Variants in RNF2 observed in about 807,000 individuals in gnomAD.
RNF2 encodes the protein E3 ubiquitin-protein ligase RING2.
A neutral mutation model predicts 37.2 loss-of-function variants in RNF2; 6 were observed. The ratio of observed to expected loss-of-function variants is 0.16; its 90% confidence interval spans 0.09 to 0.32. The LOEUF is 0.32. Ranked by LOEUF, RNF2 falls within the 10% of genes least tolerant of loss-of-function variation. RNF2 has a pLI of 1.00. For synonymous variants in RNF2, 133 were observed against 132.7 expected, an observed-to-expected ratio of 1.00 and a Z score of -0.02; for missense variants, 251 against 404.0, an observed-to-expected ratio of 0.62 and a Z score of 3.25.
intron 3 of RNF2, among the ~76,000 whole-genome samples, chr1:185,092,519 T>A (rs1185399389): frequency 6.6e-6 from 1 of 152,180 alleles, no homozygotes; most frequent in African/African-American, 2.4e-5. Flanking sequence ...ACTAGAAATC[T>A]TTCTAAAGCC....
At chr1:185,071,321 G>C (rs1650966348) in intron 1 of RNF2, among the ~76,000 whole-genome samples, 2 of 152,130 alleles carry the variant, frequency 1.3e-5, no homozygotes. Context: ...TTCCGGGCTA[G>C]TTTATAGGGA....
rs766333497 is a variant in RNF2, at chr1:185,100,243, A to G, written c.953A>G (p.Tyr318Cys). ...TCTTTGGAATTGGTCAGTGAGAAATACTGGAAAGTGAACAAACCCATGGAA... is the reference window on the plus strand; with the variant it reads ...TCTTTGGAATTGGTCAGTGAGAAATGCTGGAAAGTGAACAAACCCATGGAA... ...SFSLELVSEKYWKVNKPMELY... is the reference protein window; with the variant it reads ...SFSLELVSEKCWKVNKPMELY... The change falls in exon 7 of 7, where the codon TAC becomes TGC. Residue 318 changes from tyrosine (Y) to cysteine (C), a missense_variant. Transcript: ENST00000367510. 1.2e-6 allele frequency: 2 copies of G among 1,612,102 alleles called. No individual in the cohort carries two copies. The highest frequency in any genetic ancestry group is 2.2e-5 in the East Asian group (1 of 44,780).
At chr1:185,099,500 T>C (rs1351192535) in intron 5 of RNF2, among the ~76,000 whole-genome samples, 2 of 152,198 alleles carry the variant, frequency 1.3e-5, no homozygotes, top group Non-Finnish European at 2.9e-5. Flanking sequence ...CTTAGTACTT[T>C]GTGTATTTCT....
rs149672118 is a variant in RNF2 at position 185,048,081 on chromosome 1, A to G, written c.-3+2432A>G. On this transcript the variant is annotated intron_variant, in intron 1 of 6. Coordinates refer to ENST00000367510, the MANE Select transcript of RNF2 (RefSeq NM_007212.4). Reference sequence around the variant, plus strand: ...TCTACCCTTTCTACCTAATGTGTCTACTGGGTCTTCTGGTATTTCTTGGGG... The same window carrying G: ...TCTACCCTTTCTACCTAATGTGTCTGCTGGGTCTTCTGGTATTTCTTGGGG... Among the ~76,000 whole-genome samples the G allele has an allele frequency of 9.0e-3, 1,365 of 151,944 alleles. 19 individuals carry two copies. The highest frequency in any genetic ancestry group is 0.01 in the Non-Finnish European group (706 of 67,916).
intron 1 of RNF2, among the ~76,000 whole-genome samples, chr1:185,079,923 T>C (rs1413567331): frequency 6.6e-6 from 1 of 151,686 alleles, no homozygotes; most frequent in Non-Finnish European, 1.5e-5. Context: ...AGAGCGAGAC[T>C]GTCTCAGAAA....
chr1:185,092,414 A>T (rs2102201081), intron 3 of RNF2, among the ~76,000 whole-genome samples: 1 of 152,186 alleles, frequency 6.6e-6, no homozygotes, highest in Non-Finnish European at 1.5e-5. Flanking sequence ...TGACCTCGTG[A>T]TCCACCCGCC....
chr1:185,052,332 A>C (rs374376539), intron 1 of RNF2, among the ~76,000 whole-genome samples: 1 of 152,264 alleles, frequency 6.6e-6, no homozygotes, highest in East Asian at 1.9e-4. Flanking sequence ...GTCTGTCAAC[A>C]GATGAATGGA....
rs1315820374 is a variant in RNF2 at position 185,093,135 on chromosome 1, C to T, written c.323C>T (p.Ala108Val). ...RSLRPDPNFD[A>V]LISKIYPSRD... ...CTAAGGCCAGACCCAAACTTTGATG[C>T]ACTCATCAGCAAAATTTATCCAAGT... The change falls in exon 4 of 7, where the codon GCA (alanine) becomes GTA (valine). Residue 108 changes from alanine to valine, a missense_variant. Ala to Val is a moderately conservative substitution (Grantham distance 64, BLOSUM62 0). This residue lies in a region of RNF2 where 33 missense variants were observed against 46.8 expected (regional missense o/e 0.71). Coordinates refer to ENST00000367510, the MANE Select transcript of RNF2 (RefSeq NM_007212.4). 6.2e-7 allele frequency: 1 copy of T among 1,613,982 alleles called. No individual in the cohort carries two copies.
At position 185,094,278 on chromosome 1, in the gene RNF2, G is replaced by T. The variant is rs540751946; in HGVS notation, c.464+1002G>T. The stretch of plus-strand genomic sequence containing the variant: ...CTGCTTTAGCGTCTTGAGTAGCTGG[G>T]AGTACAGGTGCACGCCACCATGCCC... On this transcript the variant is annotated intron_variant, in intron 4 of 6. Transcript: ENST00000367510. Among the ~76,000 whole-genome samples, 3 of 152,152 alleles carry T rather than the reference G, an allele frequency of 2.0e-5. No homozygotes were observed. In the South Asian group the frequency reaches 6.2e-4, roughly 32 times the overall value.
chr1:185,082,985 A>G (rs1488282642), intron 1 of RNF2, among the ~76,000 whole-genome samples: 1 of 152,204 alleles, frequency 6.6e-6, no homozygotes, highest in African/African-American at 2.4e-5. Flanking sequence ...AATTTGCACT[A>G]ACCTAATATC....
chr1:185,079,717 G>A (rs925806224), intron 1 of RNF2, among the ~76,000 whole-genome samples: 2 of 152,168 alleles, frequency 1.3e-5, no homozygotes, highest in African/African-American at 2.4e-5. Flanking sequence ...ATCATCTGAG[G>A]TCAGGAGTTT....
intron 1 of RNF2, among the ~76,000 whole-genome samples, chr1:185,062,065 G>T (rs544655696): frequency 1.3e-5 from 2 of 152,304 alleles, no homozygotes; most frequent in South Asian, 4.1e-4. Flanking sequence ...CCTTGTAGCA[G>T]CAAATATTTT....
chr1:185,071,414 T>C (rs1237110947), intron 1 of RNF2, among the ~76,000 whole-genome samples: 5 of 152,208 alleles, frequency 3.3e-5, no homozygotes, highest in Non-Finnish European at 7.3e-5. Context: ...ATGTGGCTTA[T>C]GGATGAGGCT....
At chr1:185,049,316 A>G (rs1017893316) in intron 1 of RNF2, among the ~76,000 whole-genome samples, 6 of 152,204 alleles carry the variant, frequency 3.9e-5, no homozygotes, top group African/African-American at 1.2e-4. Context: ...CATTATTTCT[A>G]GGATATGTGC....
At chr1:185,086,845 C>G (rs1651612979) in intron 1 of RNF2, among the ~76,000 whole-genome samples, 2 of 152,154 alleles carry the variant, frequency 1.3e-5, no homozygotes, top group Non-Finnish European at 2.9e-5. Flanking sequence ...GCTGAAGAAT[C>G]TGAAGTTTTC....
intron 1 of RNF2, among the ~76,000 whole-genome samples, chr1:185,086,122 A>G (rs1557971698): frequency 1.3e-5 from 2 of 151,828 alleles, no homozygotes; most frequent in Non-Finnish European, 2.9e-5. Context: ...TTTAAGGTTT[A>G]TTTCATCTCT....
At chr1:185,085,710 A>G (rs1412677039) in intron 1 of RNF2, among the ~76,000 whole-genome samples, 4 of 150,136 alleles carry the variant, frequency 2.7e-5, no homozygotes, top group African/African-American at 4.9e-5. Context: ...CTGGAGTGCA[A>G]TGGCGCGATC....
At chr1:185,046,733 G>A (rs1283046551) in intron 1 of RNF2, among the ~76,000 whole-genome samples, 1 of 152,222 alleles carries the variant, frequency 6.6e-6, no homozygotes, top group East Asian at 1.9e-4. Context: ...ATTAAGGCAT[G>A]GTTTCAGTGT....
At chr1:185,051,068 T>C (rs901152350) in intron 1 of RNF2, among the ~76,000 whole-genome samples, 1 of 152,252 alleles carries the variant, frequency 6.6e-6, no homozygotes, top group African/African-American at 2.4e-5. Context: ...ATTTTGACTT[T>C]TTAGAAGTGT....
Sources: gnomAD v4.1 joint callset for allele counts (sites outside exome capture counted in the v4.1 genomes callset) on GRCh38, gnomAD v4.1.1 for gene constraint, gnomAD v4.1.1 regional missense constraint, MANE v1.5 for transcripts, NCBI Gene and HGNC (gene_info 2026-07-23, HGNC 2026-07-21) for gene names.